CARMIL1: variants seen among roughly 807,000 people sequenced by gnomAD.
CARMIL1 encodes the protein F-actin-uncapping protein LRRC16A.
CARMIL1 carries 90 observed loss-of-function variants against 177.1 expected under a neutral mutation model. The observed-to-expected ratio is 0.51, with a 90% confidence interval of 0.43 to 0.61. The LOEUF (loss-of-function observed/expected upper bound fraction) is 0.61, where lower values mean the gene tolerates loss of function less well. Ranked by LOEUF, CARMIL1 falls within the 20% of genes least tolerant of loss-of-function variation. The pLI is 0.00. For synonymous variants in CARMIL1, 577 were observed against 606.2 expected (o/e 0.95, Z 0.71); for missense variants, 1,380 against 1,667.0 (o/e 0.83, Z 3.00).
intron 30 of CARMIL1, 126 bp downstream of exon 30, chr6:25,581,116 T>G: frequency 7.9e-7 from 1 of 1,272,908 alleles, no homozygotes; most frequent in Non-Finnish European, 1.1e-6. Context: ...AAGAGTTCAG[T>G]GATCTGTGAA....
intron 26 of CARMIL1, among the ~76,000 whole-genome samples, chr6:25,540,336 A>G (rs1245114545): frequency 6.6e-6 from 1 of 152,204 alleles, no homozygotes; most frequent in Admixed American, 6.5e-5. Context: ...ATTGATTTCT[A>G]TTTAGGGGGT....
intron 2 of CARMIL1, among the ~76,000 whole-genome samples, chr6:25,291,685 T>C (rs1038984264): frequency 8.5e-5 from 13 of 152,198 alleles, no homozygotes; most frequent in Non-Finnish European, 2.9e-5. Flanking sequence ...GTAGTAATGT[T>C]TTGGGATTGT....
At chr6:25,590,951 T>C (rs1049064768) in intron 31 of CARMIL1, among the ~76,000 whole-genome samples, 1 of 152,218 alleles carries the variant, frequency 6.6e-6, no homozygotes, top group African/African-American at 2.4e-5. Flanking sequence ...TATATTTTCT[T>C]CATTTTACTT....
chr6:25,571,152 C>T (rs376588047), intron 29 of CARMIL1, among the ~76,000 whole-genome samples: 1 of 151,910 alleles, frequency 6.6e-6, no homozygotes, highest in African/African-American at 2.4e-5. Context: ...TAATCTAGTT[C>T]ATTAAACAGG....
chr6:25,378,443 C>T (rs971602250), intron 2 of CARMIL1, among the ~76,000 whole-genome samples: 6 of 152,234 alleles, frequency 3.9e-5, no homozygotes, highest in Admixed American at 1.3e-4. Context: ...TGTTCCCACT[C>T]ATATCGTGAA....
At chr6:25,563,775 T>C (rs191687942) in intron 29 of CARMIL1, 1 of 985,446 alleles carries the variant, frequency 1.0e-6, no homozygotes, top group East Asian at 1.1e-4. Flanking sequence ...CAAGGTAGTT[T>C]TGGTGGATCA....
chr6:25,597,589 TC>T (rs1340815188), intron 32 of CARMIL1, among the ~76,000 whole-genome samples: 2 of 152,216 alleles, frequency 1.3e-5, no homozygotes, highest in Non-Finnish European at 2.9e-5. Flanking sequence ...CAGTTTTTTT[TC>T]TTCTTGGACA....
intron 20 of CARMIL1, among the ~76,000 whole-genome samples, chr6:25,513,764 C>A (rs1000199058): frequency 6.6e-6 from 1 of 152,090 alleles, no homozygotes; most frequent in Non-Finnish European, 1.5e-5. Context: ...CTCCAATCCC[C>A]CAAGCATTGT....
intron 4 of CARMIL1, among the ~76,000 whole-genome samples, chr6:25,427,658 A>T (rs1032651723): frequency 7.2e-5 from 11 of 152,122 alleles, no homozygotes; most frequent in African/African-American, 2.7e-4. Context: ...TGGTTTTACT[A>T]TTTTACATTG....
chr6:25,521,758 A>G (rs571860005), intron 23 of CARMIL1, among the ~76,000 whole-genome samples: 32 of 141,846 alleles, frequency 2.3e-4, no homozygotes, highest in African/African-American at 8.4e-4. Flanking sequence ...CGACAGAGCG[A>G]GATTCCATCT....
At chr6:25,505,336 C>T (rs1250371258) in intron 17 of CARMIL1, among the ~76,000 whole-genome samples, 5 of 152,296 alleles carry the variant, frequency 3.3e-5, no homozygotes, top group East Asian at 1.9e-4. Context: ...TTCCATTGCC[C>T]TGTAGGTTAG....
chr6:25,369,913 C>T (rs986001927), intron 2 of CARMIL1: 1 of 152,206 alleles, frequency 6.6e-6, no homozygotes, highest in Non-Finnish European at 1.5e-5. Flanking sequence ...GGTTGCAGTC[C>T]AGGTTTTTCT....
At chr6:25,424,147 T>A (rs954150280) in intron 3 of CARMIL1, among the ~76,000 whole-genome samples, 3 of 152,214 alleles carry the variant, frequency 2.0e-5, no homozygotes, top group Non-Finnish European at 4.4e-5. Context: ...TCATCCTTGT[T>A]GATTACTAAT....
chr6:25,588,163 C>T (rs558540582), intron 31 of CARMIL1, among the ~76,000 whole-genome samples: 3 of 152,106 alleles, frequency 2.0e-5, no homozygotes, highest in Non-Finnish European at 4.4e-5. Flanking sequence ...TTTATAGCAG[C>T]GACTTGAGCA....
chr6:25,575,094 T>TTGGTTA (rs1334754795), intron 29 of CARMIL1, among the ~76,000 whole-genome samples: 1 of 152,200 alleles, frequency 6.6e-6, no homozygotes, highest in Non-Finnish European at 1.5e-5. Flanking sequence ...TGCAAAAACA[T>TTGGTTA]TGGTTAAAGT....
At chr6:25,370,692 A>C (rs746839777) in intron 2 of CARMIL1, among the ~76,000 whole-genome samples, 5 of 152,286 alleles carry the variant, frequency 3.3e-5, no homozygotes, top group Middle Eastern at 3.4e-3. Context: ...GGAAGTGGAA[A>C]GTCTAAAGGA....
At chr6:25,556,994 T>TAA in intron 29 of CARMIL1, 144 bp downstream of exon 29, 1 of 842,030 alleles carries the variant, frequency 1.2e-6, no homozygotes, top group Non-Finnish European at 1.8e-6. Flanking sequence ...AGAAAAGTCC[T>TAA]AAAGAGGCCG....
intron 2 of CARMIL1, among the ~76,000 whole-genome samples, chr6:25,286,148 C>G (rs1214059803): frequency 6.6e-6 from 1 of 152,242 alleles, no homozygotes; most frequent in African/African-American, 2.4e-5. Context: ...GCTGGGATTA[C>G]AGGCATGAGC....
chr6:25,589,515 G>T (rs1294058554), intron 31 of CARMIL1, among the ~76,000 whole-genome samples: 3 of 151,922 alleles, frequency 2.0e-5, no homozygotes, highest in Non-Finnish European at 2.9e-5. Flanking sequence ...TTGAGACAGG[G>T]TCTCACCTGT....
Sources: allele counts gnomAD v4.1 joint callset (sites outside exome capture counted in the v4.1 genomes callset), GRCh38; gene constraint gnomAD v4.1.1; transcripts MANE v1.5; gene names NCBI Gene and HGNC (gene_info 2026-07-23, HGNC 2026-07-21).